Variants in DCLK2 observed in about 807,000 individuals in gnomAD.
DCLK2 encodes doublecortin like kinase 2, also known as serine/threonine-protein kinase DCLK2.
In DCLK2, 31 loss-of-function variants were observed where a neutral mutation model predicts 78.4. That is an observed-to-expected ratio of 0.40 (90% CI 0.30 to 0.53). The LOEUF (loss-of-function observed/expected upper bound fraction) is 0.53, where lower values mean the gene tolerates loss of function less well. DCLK2 is among the 20% of genes least tolerant of loss of function. DCLK2 has a pLI of 0.61. For synonymous variants in DCLK2, 407 were observed against 374.9 expected (o/e 1.09, Z -0.99); for missense variants, 872 against 973.7 (o/e 0.90, Z 1.39).
intron 5 of DCLK2, among the ~76,000 whole-genome samples, chr4:150,214,799 TA>T (rs1740563773): frequency 6.6e-6 from 1 of 151,656 alleles, no homozygotes; most frequent in African/African-American, 2.4e-5. Context: ...CCATCTCTAC[TA>T]AAAATACAAA....
chr4:150,232,966 G>A (rs952242838), intron 10 of DCLK2, 138 bp downstream of exon 10: 1 of 1,090,986 alleles, frequency 9.2e-7, no homozygotes, highest in Non-Finnish European at 1.3e-6. Context: ...CAAGACTTAT[G>A]TCAATGACCA....
At chr4:150,161,876 G>A (rs947711637) in intron 2 of DCLK2, among the ~76,000 whole-genome samples, 1 of 152,148 alleles carries the variant, frequency 6.6e-6, no homozygotes, top group Non-Finnish European at 1.5e-5. Context: ...CCTTTATAGA[G>A]GGGTGTTGCT....
rs763706125 is a variant in DCLK2, at chr4:150,102,818, A to C, written c.756+6A>C. On this transcript the variant is annotated splice_donor_region_variant and intron_variant, in intron 2 of 15. Transcript: ENST00000296550. ...GCACCCTGGATGGAAAGCAGGTAAGATGCTTCTAGCTCCCAGCTCTCCATC... is the reference window on the plus strand; with the variant it reads ...GCACCCTGGATGGAAAGCAGGTAAGCTGCTTCTAGCTCCCAGCTCTCCATC... 52 of 1,593,146 alleles carry C rather than the reference A, an allele frequency of 3.3e-5. 1 individual carries two copies. In the South Asian group the frequency reaches 5.9e-4, roughly 18 times the overall value.
At chr4:150,109,002 C>G (rs933911751) in intron 2 of DCLK2, among the ~76,000 whole-genome samples, 1 of 152,094 alleles carries the variant, frequency 6.6e-6, no homozygotes, top group Non-Finnish European at 1.5e-5. Context: ...AGTGCCTGCT[C>G]TTATCAGTCA....
At position 150,247,556 on chromosome 4, in the gene DCLK2, T is replaced by G. The variant is rs111541491; in HGVS notation, c.1779-47T>G. ...TCCTGTGGACATTTTGTTGAAAAAT[T>G]CTACGGTGACTTTGACTTTTCTTCC... On this transcript the variant is annotated intron_variant, in intron 12 of 15. Coordinates refer to ENST00000296550, the MANE Select transcript of DCLK2 (RefSeq NM_001040260.4). 718 of 1,575,962 alleles carry G rather than the reference T, an allele frequency of 4.6e-4. 2 individuals are homozygous for G. The highest frequency in any genetic ancestry group is 4.1e-3 in the African/African-American group (301 of 74,250).
chr4:150,220,811 G>A lies in DCLK2; in HGVS notation c.1132+33G>A, dbSNP rs991708904. 9.0e-6 allele frequency: 14 copies of A among 1,555,094 alleles called. No individual in the cohort carries two copies. The Admixed American group carries it at 2.0e-4, about 23-fold the overall frequency. ...TCAGTCTGATCATTACTTTGATAAA[G>A]GAAATCATGCATGGGGACTTGGTGC... On this transcript the variant is annotated intron_variant, in intron 6 of 15. Coordinates refer to ENST00000296550, the MANE Select transcript of DCLK2 (RefSeq NM_001040260.4).
intron 5 of DCLK2, among the ~76,000 whole-genome samples, chr4:150,218,349 C>T (rs975550038): frequency 1.3e-5 from 2 of 152,092 alleles, no homozygotes; most frequent in African/African-American, 4.8e-5. Flanking sequence ...CACAGGAGCT[C>T]AACTGATAAA....
At chr4:150,199,555 T>A (rs1437486388) in intron 4 of DCLK2, among the ~76,000 whole-genome samples, 1 of 152,242 alleles carries the variant, frequency 6.6e-6, no homozygotes, top group Admixed American at 6.5e-5. Context: ...GTGTTTCTTA[T>A]ACATACAGGG....
At chr4:150,242,677 A>G (rs533808496) in intron 12 of DCLK2, among the ~76,000 whole-genome samples, 212 of 152,238 alleles carry the variant, frequency 1.4e-3, no homozygotes, top group Non-Finnish European at 2.2e-3. Context: ...ATGAGAGTGG[A>G]TGCAAGATTC....
intron 1 of DCLK2, among the ~76,000 whole-genome samples, chr4:150,083,106 A>G (rs572568103): frequency 3.3e-5 from 5 of 152,248 alleles, no homozygotes; most frequent in Non-Finnish European, 7.4e-5. Flanking sequence ...CTGAGGGGTT[A>G]TTGTTGGAGC....
chr4:150,146,168 G>C (rs1734456161), intron 2 of DCLK2, among the ~76,000 whole-genome samples: 1 of 152,184 alleles, frequency 6.6e-6, no homozygotes, highest in Non-Finnish European at 1.5e-5. Flanking sequence ...AATTTACTAT[G>C]ACAAGATCTG....
intron 13 of DCLK2, 38 bp from the exon 14 acceptor site, chr4:150,248,267 C>T (rs775309618): frequency 1.3e-6 from 2 of 1,569,242 alleles, no homozygotes; most frequent in South Asian, 2.2e-5. Context: ...TACCTCCTTT[C>T]TCCTCCTCTG....
rs139550765 is a variant in DCLK2 at position 150,115,730 on chromosome 4, G to T, written c.756+12918G>T. On this transcript the variant is annotated intron_variant, in intron 2 of 15. Coordinates refer to ENST00000296550, the MANE Select transcript of DCLK2 (RefSeq NM_001040260.4). ...TTGCTGTAGGATTGAAATGGCAGAGGTCTCTTGAAGCTTATCTCATTCCCT... is the reference window on the plus strand; with the variant it reads ...TTGCTGTAGGATTGAAATGGCAGAGTTCTCTTGAAGCTTATCTCATTCCCT... 5.8e-3 allele frequency among the ~76,000 whole-genome samples: 883 copies of T among 152,198 alleles called. 6 individuals carry two copies. The highest frequency in any genetic ancestry group is 0.01 in the Non-Finnish European group (687 of 68,006).
At chr4:150,217,040 T>A (rs1258182856) in intron 5 of DCLK2, among the ~76,000 whole-genome samples, 1 of 152,194 alleles carries the variant, frequency 6.6e-6, no homozygotes, top group Non-Finnish European at 1.5e-5. Flanking sequence ...GCAGGAATGC[T>A]CATTAGCATT....
At chr4:150,115,480 G>A (rs1732010440) in intron 2 of DCLK2, among the ~76,000 whole-genome samples, 1 of 151,898 alleles carries the variant, frequency 6.6e-6, no homozygotes, top group African/African-American at 2.4e-5. Context: ...TTTTCATTGG[G>A]TTAGACTAAT....
At chr4:150,192,395 A>G (rs1738519421) in intron 2 of DCLK2, among the ~76,000 whole-genome samples, 1 of 145,670 alleles carries the variant, frequency 6.9e-6, no homozygotes, top group African/African-American at 2.5e-5. Flanking sequence ...CAGGAGAATC[A>G]TTTGAACTTG....
At chr4:150,218,480 C>T (rs1740916821) in intron 5 of DCLK2, among the ~76,000 whole-genome samples, 1 of 152,144 alleles carries the variant, frequency 6.6e-6, no homozygotes, top group African/African-American at 2.4e-5. Flanking sequence ...TGCAGTAAAC[C>T]AGTGCTTACC....
intron 2 of DCLK2, among the ~76,000 whole-genome samples, chr4:150,115,865 A>G (rs545582177): frequency 1.3e-5 from 2 of 152,336 alleles, no homozygotes; most frequent in South Asian, 4.1e-4. Flanking sequence ...AAAACCGGTC[A>G]TGGCTAAAGC....
Position 150,168,793 on chromosome 4 carries a change from G to A in DCLK2, c.757-24345G>A, listed in dbSNP as rs143518622. Among the ~76,000 whole-genome samples the A allele has an allele frequency of 1.9e-3, 288 of 152,264 alleles. 1 individual carries two copies. Among genetic ancestry groups the A allele is most frequent in the African/African-American group, 6.6e-3 (273 of 41,554 alleles). On this transcript the variant is annotated intron_variant, in intron 2 of 15. Coordinates refer to ENST00000296550, the MANE Select transcript of DCLK2 (RefSeq NM_001040260.4). Reference sequence around the variant, plus strand: ...TTCGTATAGTGAGTGCTCCAGACATGGCCAATCCACAATTCTCACTGATCA... The same window carrying A: ...TTCGTATAGTGAGTGCTCCAGACATAGCCAATCCACAATTCTCACTGATCA...
Sources: allele counts gnomAD v4.1 joint callset (sites outside exome capture counted in the v4.1 genomes callset), GRCh38; gene constraint gnomAD v4.1.1; transcripts MANE v1.5; gene names NCBI Gene and HGNC (gene_info 2026-07-23, HGNC 2026-07-21).